SORL1: variants seen among roughly 807,000 people sequenced by gnomAD.
The protein encoded by SORL1 is sortilin-related receptor.
In SORL1, 127 loss-of-function variants were observed where a neutral mutation model predicts 273.7. That is an observed-to-expected ratio of 0.46 (90% CI 0.40 to 0.54). The LOEUF (loss-of-function observed/expected upper bound fraction) is 0.54, where lower values mean the gene tolerates loss of function less well. Among genes scored for constraint, SORL1 ranks in the 20% least tolerant of loss-of-function variants. SORL1 has a pLI of 0.00. For synonymous variants in SORL1, 1,031 were observed against 1,067.4 expected (o/e 0.97, Z 0.66); for missense variants, 2,494 against 2,846.1 (o/e 0.88, Z 2.81).
At position 121,600,075 on chromosome 11, in the gene SORL1, C is replaced by T. The variant is rs140942387; in HGVS notation, c.4520-4118C>T. Among the ~76,000 whole-genome samples the T allele has an allele frequency of 1.1e-3, 165 of 152,254 alleles. 1 individual carries two copies. Among genetic ancestry groups the T allele is most frequent in the Non-Finnish European group, 2.1e-3 (140 of 68,012 alleles). On this transcript the variant is annotated intron_variant, in intron 32 of 47. Coordinates refer to ENST00000260197, the MANE Select transcript of SORL1 (RefSeq NM_003105.6). ...CATACTTGCAAGTAATACAGAGTTA[C>T]CCAGATAGCTTATTTTCTGGCAAAA...
intron 6 of SORL1, among the ~76,000 whole-genome samples, chr11:121,509,853 T>A: frequency 6.6e-6 from 1 of 152,360 alleles, no homozygotes; most frequent in African/African-American, 2.4e-5. Context: ...TCTATAAGAT[T>A]GAATTAGATT....
chr11:121,472,905 A>T (rs1158967326), intron 2 of SORL1, among the ~76,000 whole-genome samples: 2 of 151,824 alleles, frequency 1.3e-5, no homozygotes, highest in East Asian at 3.9e-4. Context: ...GGTTGCGATG[A>T]GCTGAGATCA....
intron 6 of SORL1, among the ~76,000 whole-genome samples, chr11:121,498,188 T>C (rs927885081): frequency 6.6e-6 from 1 of 152,220 alleles, no homozygotes; most frequent in African/African-American, 2.4e-5. Context: ...CCTTGACTGT[T>C]TCTTTATCTT....
Position 121,627,815 on chromosome 11 carries a change from A to G in SORL1, c.6577+48A>G. 7.2e-7 allele frequency: 1 copy of G among 1,398,040 alleles called. No individual in the cohort carries two copies. Among genetic ancestry groups the G allele is most frequent in the South Asian group, 1.2e-5 (1 of 82,054 alleles). 86.6% of individuals were successfully genotyped at this position (1,398,040 alleles called of 1,614,324 possible). On this transcript the variant is annotated intron_variant, in intron 47 of 47. Transcript: ENST00000260197. This position sits in a 1 kb window ranked among gnomAD's most constrained non-coding sequence, Gnocchi z 4.9. The stretch of plus-strand genomic sequence containing the variant: ...GTTCTTCCTCCCAGGGCTGACCCCC[A>G]CGCAGCCAATGACTTGATTAGGAAA...
chr11:121,545,408 G>T lies in SORL1; in HGVS notation c.2030G>T (p.Cys677Phe). 6.2e-7 allele frequency: 1 copy of T among 1,614,030 alleles called. No homozygotes were observed. The highest frequency in any genetic ancestry group is 8.5e-7 in the Non-Finnish European group (1 of 1,179,988). ...DRPVVVSNCSCTREDYECDFG... is the reference protein window; with the variant it reads ...DRPVVVSNCSFTREDYECDFG... ...CCGGTGGTCGTGTCCAACTGCTCCT[G>T]CACCCGGGAGGACTATGAGTGGTCA... is the stretch of plus-strand genomic sequence containing the variant. Residue 677 changes from cysteine (C) to phenylalanine (F), a missense_variant, in exon 14 of 48, where the codon TGC (cysteine) becomes TTC (phenylalanine). This residue lies in a region of SORL1 where 710 missense variants were observed against 882.5 expected (regional missense o/e 0.80). Coordinates refer to ENST00000260197, the MANE Select transcript of SORL1 (RefSeq NM_003105.6).
chr11:121,542,635 T>C (rs1862364057), intron 12 of SORL1, among the ~76,000 whole-genome samples: 1 of 152,128 alleles, frequency 6.6e-6, no homozygotes, highest in South Asian at 2.1e-4. Flanking sequence ...ATTGTGACTC[T>C]CTGATCATTC....
chr11:121,546,010 G>A lies in SORL1; in HGVS notation c.2051+581G>A, dbSNP rs545685475. 1.3e-4 allele frequency among the ~76,000 whole-genome samples: 20 copies of A among 152,360 alleles called. No homozygotes were observed. In the South Asian group the frequency reaches 4.1e-3, roughly 32 times the overall value. ...GAAAGGAAGGAGAGGGCTGTGGATT[G>A]CTGTTGGAGAATGAGGAGATTTTTG... On this transcript the variant is annotated intron_variant, in intron 14 of 47. Transcript: ENST00000260197.
chr11:121,460,394 A>AT (rs781295199), intron 1 of SORL1, among the ~76,000 whole-genome samples: 109,513 of 122,954 alleles, frequency 0.89, 49,253 homozygotes, highest in Non-Finnish European at 0.92. Context: ...GTCATGATGA[A>AT]TTTTTTTTTT....
At chr11:121,607,547 C>T (rs774945812) in intron 37 of SORL1, among the ~76,000 whole-genome samples, 2 of 152,212 alleles carry the variant, frequency 1.3e-5, no homozygotes, top group African/African-American at 2.4e-5. Context: ...CTTTTAACTC[C>T]GGTATTCTGC....
rs1386682535 is a variant in SORL1, at chr11:121,631,220, TTTTA to T, written c.*1663_*1666del. On this transcript the variant is annotated 3_prime_UTR_variant, in exon 48 of 48. Transcript: ENST00000260197. ...AATTAAATTTTTTAGTTTTTGAAATTTTTATTTATATGTATACTTAGATGAGTAT... is the reference window on the plus strand; with the variant it reads ...AATTAAATTTTTTAGTTTTTGAAATTTTTATATGTATACTTAGATGAGTAT... 2 of 152,210 alleles carry T rather than the reference TTTTA, an allele frequency of 1.3e-5. No individual in the cohort carries two copies. The highest frequency in any genetic ancestry group is 2.9e-5 in the Non-Finnish European group (2 of 68,036). 9.4% of individuals were successfully genotyped at this position (152,210 alleles called of 1,614,324 possible).
chr11:121,464,302 A>C (rs1281852684), intron 1 of SORL1, among the ~76,000 whole-genome samples: 1 of 152,196 alleles, frequency 6.6e-6, no homozygotes, highest in Admixed American at 6.5e-5. Flanking sequence ...CTCAACAACT[A>C]TACAGATTTC....
intron 20 of SORL1, among the ~76,000 whole-genome samples, chr11:121,559,093 C>T (rs1862635509): frequency 1.3e-5 from 2 of 152,154 alleles, no homozygotes; most frequent in African/African-American, 2.4e-5. Flanking sequence ...CCAGTTTGCC[C>T]CTCAGTGTCA....
intron 6 of SORL1, 78 bp downstream of exon 6, chr11:121,497,127 AG>A: frequency 8.2e-7 from 1 of 1,222,134 alleles, no homozygotes. Flanking sequence ...TAAACAGGTG[AG>A]TTTGCATACA....
chr11:121,498,768 C>T (rs953581193), intron 6 of SORL1, among the ~76,000 whole-genome samples: 17 of 151,750 alleles, frequency 1.1e-4, no homozygotes, highest in Non-Finnish European at 1.9e-4. Flanking sequence ...CCCAGCTACT[C>T]GGAAGGCCGA....
rs1018010088 is a variant in SORL1 at position 121,596,088 on chromosome 11, G to A, written c.4519+316G>A. 3.3e-5 allele frequency among the ~76,000 whole-genome samples: 5 copies of A among 152,190 alleles called. No homozygotes were observed. The highest frequency in any genetic ancestry group is 1.2e-4 in the African/African-American group (5 of 41,426). ...TTTAACTCTTTAAAAACGCCCTTGG[G>A]GAAAGCCACAACTCTTCTGTATGTA... On this transcript the variant is annotated intron_variant, in intron 32 of 47. Coordinates refer to ENST00000260197, the MANE Select transcript of SORL1 (RefSeq NM_003105.6). The surrounding 1 kb of genome is among the most constrained non-coding windows in gnomAD (Gnocchi z 4.3).
chr11:121,606,990 G>C (rs555076254), intron 36 of SORL1, 33 bp downstream of exon 36: 1 of 1,485,316 alleles, frequency 6.7e-7, no homozygotes, highest in Non-Finnish European at 9.4e-7. Flanking sequence ...CTGTATGTGT[G>C]TTGGGGGTGC....
At chr11:121,466,601 G>A (rs1269359230) in intron 1 of SORL1, among the ~76,000 whole-genome samples, 1 of 152,134 alleles carries the variant, frequency 6.6e-6, no homozygotes, top group African/African-American at 2.4e-5. Context: ...GACAGGTGAG[G>A]CCAGAGGGTA....
At chr11:121,486,480 CTTTT>C (rs551145449) in intron 3 of SORL1, among the ~76,000 whole-genome samples, 6 of 138,928 alleles carry the variant, frequency 4.3e-5, no homozygotes, top group Admixed American at 7.3e-5. Context: ...TTCTTTCTTT[CTTTT>C]TTTTTTTTTT....
Position 121,566,930 on chromosome 11 carries a change from T to C in SORL1, c.3050-10T>C, listed in dbSNP as rs780632404. On this transcript the variant is annotated splice_polypyrimidine_tract_variant and intron_variant, in intron 21 of 47. Coordinates refer to ENST00000260197, the MANE Select transcript of SORL1 (RefSeq NM_003105.6). The stretch of plus-strand genomic sequence containing the variant: ...ATTAACCTACCTGCTGCTGTTTGTC[T>C]TCCCTCCAGGAAGCAATGCCTGTGT... 21 of 1,611,452 alleles carry C rather than the reference T, an allele frequency of 1.3e-5. No individual in the cohort carries two copies. The highest frequency in any genetic ancestry group is 1.7e-5 in the Non-Finnish European group (20 of 1,178,904).
Sources: gnomAD v4.1 joint callset for allele counts (sites outside exome capture counted in the v4.1 genomes callset) on GRCh38, gnomAD v4.1.1 for gene constraint, gnomAD v4.1.1 regional missense constraint, Gnocchi (gnomAD v3.1) non-coding constraint, MANE v1.5 for transcripts, NCBI Gene and HGNC (gene_info 2026-07-23, HGNC 2026-07-21) for gene names.